IRGM: variants seen among roughly 807,000 people sequenced by gnomAD.
IRGM encodes immunity related GTPase M, also known as immunity-related GTPase family M protein.
For missense variants in IRGM, 288 were observed against 219.9 expected (o/e 1.31, Z -1.96); for synonymous variants, 98 against 80.6 (o/e 1.22, Z -1.16).
chr5:150,898,319 G>A (rs1754870839), intron 3 of IRGM: 1 of 1,596,666 alleles, frequency 6.3e-7, no homozygotes, highest in East Asian at 2.2e-5. Context: ...GCAAAGGTAT[G>A]AAGGTCATAA....
intron 1 of IRGM, among the ~76,000 whole-genome samples, chr5:150,857,425 T>G (rs1310872982): frequency 2.0e-5 from 3 of 152,066 alleles, no homozygotes; most frequent in African/African-American, 4.8e-5. Flanking sequence ...ATGATTTATA[T>G]TCCTTTGGGT....
intron 3 of IRGM, among the ~76,000 whole-genome samples, chr5:150,899,533 A>G (rs559142057): frequency 1.3e-5 from 2 of 152,208 alleles, no homozygotes; most frequent in African/African-American, 4.8e-5. Context: ...CAAATGTAAT[A>G]GCTTTCTTAT....
intron 3 of IRGM, among the ~76,000 whole-genome samples, chr5:150,886,488 T>C (rs1754524319): frequency 6.6e-6 from 1 of 152,082 alleles, no homozygotes; most frequent in Non-Finnish European, 1.5e-5. Context: ...CAGCTTTTCA[T>C]TGTACATACA....
At chr5:150,897,088 A>C (rs1754819043) in intron 3 of IRGM, 5 of 768,598 alleles carry the variant, frequency 6.5e-6, no homozygotes, top group Non-Finnish European at 1.0e-5. Context: ...AAAAGGATGG[A>C]AACAGGTCAT....
chr5:150,881,560 A>G (rs1405124124), intron 3 of IRGM, among the ~76,000 whole-genome samples: 3 of 152,212 alleles, frequency 2.0e-5, no homozygotes, highest in Non-Finnish European at 2.9e-5. Context: ...GAAAGTGAGA[A>G]CACAATAGAA....
chr5:150,871,927 C>T (rs1406074825), intron 1 of IRGM, among the ~76,000 whole-genome samples: 8 of 152,184 alleles, frequency 5.3e-5, no homozygotes, highest in South Asian at 4.1e-4. Flanking sequence ...TACCTAAATA[C>T]GATTGGTTTT....
intron 1 of IRGM, among the ~76,000 whole-genome samples, chr5:150,861,048 A>C (rs1754128728): frequency 6.6e-6 from 1 of 152,218 alleles, no homozygotes; most frequent in African/African-American, 2.4e-5. Flanking sequence ...ATTGCTGTTC[A>C]TGAGTCTGTG....
chr5:150,897,808 GTTCTTGAAAGGAATT>G (rs1754847396), intron 3 of IRGM: 1 of 415,724 alleles, frequency 2.4e-6, no homozygotes, highest in South Asian at 8.4e-5. Context: ...CACAGCTTGT[GTTCTTGAAAGGAATT>G]TGCCTTCTAT....
chr5:150,848,112 A>G lies in IRGM; in HGVS notation c.-12A>G. 3 of 1,533,664 alleles carry G rather than the reference A, an allele frequency of 2.0e-6. No individual in the cohort carries two copies. The highest frequency in any genetic ancestry group is 1.4e-5 in the African/African-American group (1 of 72,616). Reference sequence around the variant, plus strand: ...CACGGCGCCTGGCCAGCATTGGGGTATTTTATTGAAGATGGAAGCCATGAA... The same window carrying G: ...CACGGCGCCTGGCCAGCATTGGGGTGTTTTATTGAAGATGGAAGCCATGAA... On this transcript the variant is annotated 5_prime_UTR_variant, in exon 2 of 2. Transcript: ENST00000522154.
downstream of IRGM, among the ~76,000 whole-genome samples, chr5:150,851,263 GA>G (rs1346229232): frequency 6.6e-6 from 1 of 152,186 alleles, no homozygotes; most frequent in Non-Finnish European, 1.5e-5. Context: ...AGCAGGTGAA[GA>G]GTCAGATAAT....
At chr5:150,854,723 G>A (rs538934722) in intron 1 of IRGM, among the ~76,000 whole-genome samples, 22 of 152,056 alleles carry the variant, frequency 1.4e-4, no homozygotes, top group Admixed American at 1.4e-3. Flanking sequence ...GTCTGTTTTC[G>A]CTTGCTGCTT....
In IRGM at chr5:150,848,502, CAT is replaced by C. The variant is rs1379052449; in HGVS notation, c.380_381del (p.His127ArgfsTer8). ...TGCATCTGCACAATTCAGCATGAAT[CAT>C]GTGATGCTTGCCAAAACCGCTGAGG... ...MVASAQFSMN[H>X]VMLAKTAEDM... On this transcript the variant is annotated frameshift_variant, in exon 2 of 2. Transcript: ENST00000522154. LOFTEE classifies it low-confidence loss of function (END_TRUNC). 3 of 1,551,838 alleles carry C rather than the reference CAT, an allele frequency of 1.9e-6. No homozygotes were observed. Among genetic ancestry groups the C allele is most frequent in the East Asian group, 2.4e-5 (1 of 41,056 alleles).
intron 3 of IRGM, among the ~76,000 whole-genome samples, chr5:150,888,554 T>C (rs989227309): frequency 6.6e-6 from 1 of 151,988 alleles, no homozygotes; most frequent in Non-Finnish European, 1.5e-5. Context: ...GCCACATAAT[T>C]TGACATAAAA....
chr5:150,883,086 C>A (rs1396325690), intron 3 of IRGM, among the ~76,000 whole-genome samples: 1 of 151,930 alleles, frequency 6.6e-6, no homozygotes, highest in African/African-American at 2.4e-5. Flanking sequence ...CTACATATTT[C>A]ATGGAAATTA....
intron 1 of IRGM, among the ~76,000 whole-genome samples, chr5:150,866,329 T>G (rs1432070793): frequency 6.6e-6 from 1 of 152,116 alleles, no homozygotes. Flanking sequence ...AGTGACCACA[T>G]TTAGGGAGAA....
At chr5:150,853,831 T>G (rs1754010199) in intron 1 of IRGM, among the ~76,000 whole-genome samples, 1 of 152,176 alleles carries the variant, frequency 6.6e-6, no homozygotes, top group East Asian at 1.9e-4. Context: ...GTAAAGTATC[T>G]ATAAAAACAA....
chr5:150,881,205 C>T (rs1008258403), intron 3 of IRGM, among the ~76,000 whole-genome samples: 2 of 150,270 alleles, frequency 1.3e-5, no homozygotes, highest in African/African-American at 4.9e-5. Context: ...TCAATTCAAA[C>T]AAGATGACAC....
At chr5:150,880,213 A>G (rs1214306707) in intron 3 of IRGM, among the ~76,000 whole-genome samples, 2 of 152,174 alleles carry the variant, frequency 1.3e-5, no homozygotes, top group Non-Finnish European at 2.9e-5. Context: ...CTTTTTATCC[A>G]TTTGAAAATG....
intron 3 of IRGM, among the ~76,000 whole-genome samples, chr5:150,886,937 T>C (rs938191230): frequency 3.9e-5 from 6 of 152,188 alleles, no homozygotes; most frequent in African/African-American, 1.4e-4. Context: ...ATTTCTTGTC[T>C]TTTGATAGCT....
Sources: allele counts gnomAD v4.1 joint callset (sites outside exome capture counted in the v4.1 genomes callset), GRCh38; gene constraint gnomAD v4.1.1; transcripts MANE v1.5; gene names NCBI Gene and HGNC (gene_info 2026-07-23, HGNC 2026-07-21).